Variants in ADGRV1 observed in about 807,000 individuals in gnomAD.
ADGRV1 encodes the protein G-protein coupled receptor 98.
ADGRV1 carries 359 observed loss-of-function variants against 596.2 expected under a neutral mutation model. The observed-to-expected ratio is 0.60, with a 90% confidence interval of 0.55 to 0.66. ADGRV1 has a LOEUF of 0.66. Among genes scored for constraint, ADGRV1 ranks in the 30% least tolerant of loss-of-function variants. ADGRV1 has a pLI of 0.00. For missense variants in ADGRV1, 7,274 were observed against 7,575.6 expected, an observed-to-expected ratio of 0.96 and a Z score of 1.48; for synonymous variants, 2,681 against 2,679.2, an observed-to-expected ratio of 1.00 and a Z score of -0.02.
At position 90,724,819 on chromosome 5, in the gene ADGRV1, T is replaced by G. The variant is rs1751548983; in HGVS notation, c.9749-13T>G. The G allele has an allele frequency of 1.9e-6, 3 of 1,611,586 alleles. No homozygotes were observed. The South Asian group carries it at 3.3e-5, about 18-fold the overall frequency. On this transcript the variant is annotated splice_polypyrimidine_tract_variant and intron_variant, in intron 45 of 89. Transcript: ENST00000405460. ...GAGTAATAAACTAGTAAACCATGAT[T>G]TGTGTTTTTCAGGGGGAATGGATGT... is the stretch of plus-strand genomic sequence containing the variant.
intron 85 of ADGRV1, among the ~76,000 whole-genome samples, chr5:91,054,926 C>T (rs889554048): frequency 1.1e-4 from 17 of 152,118 alleles, no homozygotes; most frequent in Admixed American, 5.9e-4. Context: ...AGAACACATC[C>T]CTGAGTAGGT....
At chr5:90,918,044 T>C (rs1309709819) in intron 83 of ADGRV1, among the ~76,000 whole-genome samples, 1 of 152,148 alleles carries the variant, frequency 6.6e-6, no homozygotes, top group Admixed American at 6.5e-5. Flanking sequence ...AATTCAAGGT[T>C]ACACAACTAG....
intron 87 of ADGRV1, among the ~76,000 whole-genome samples, chr5:91,147,193 A>T (rs1327407461): frequency 6.6e-6 from 1 of 151,844 alleles, no homozygotes; most frequent in African/African-American, 2.4e-5. Flanking sequence ...AAAAAAAAAA[A>T]AAAAAAGATT....
At chr5:90,682,393 A>G (rs1745060368) in intron 27 of ADGRV1, among the ~76,000 whole-genome samples, 1 of 152,212 alleles carries the variant, frequency 6.6e-6, no homozygotes, top group Non-Finnish European at 1.5e-5. Flanking sequence ...GTGAAGTGCA[A>G]TCCTATCCTG....
intron 39 of ADGRV1, among the ~76,000 whole-genome samples, chr5:90,709,607 G>A (rs996104213): frequency 6.6e-6 from 1 of 152,186 alleles, no homozygotes; most frequent in Non-Finnish European, 1.5e-5. Context: ...AGCATGGCCA[G>A]GAGCAGTGGC....
At position 90,778,504 on chromosome 5, in the gene ADGRV1, G is replaced by T; in HGVS notation, c.12744G>T (p.Leu4248=). ...CTGCAGTCAGTGAGGGAGGAGTTCTGAGTGAATCCAGCAGCACTGCCAACA... is the reference window on the plus strand; with the variant it reads ...CTGCAGTCAGTGAGGGAGGAGTTCTTAGTGAATCCAGCAGCACTGCCAACA... The part of the protein sequence containing the change: ...QLTAVSEGGV[L]SESSSTANIT... Residue 4248 remains leucine, a synonymous_variant, in exon 63 of 90, where the codon CTG becomes CTT. Coordinates refer to ENST00000405460, the MANE Select transcript of ADGRV1 (RefSeq NM_032119.4). 6.2e-7 allele frequency: 1 copy of T among 1,613,184 alleles called. No individual in the cohort carries two copies. The highest frequency in any genetic ancestry group is 8.5e-7 in the Non-Finnish European group (1 of 1,179,510).
At chr5:90,725,685 T>TG in intron 48 of ADGRV1, 29 bp downstream of exon 48, 1 of 1,097,998 alleles carries the variant, frequency 9.1e-7, no homozygotes, top group Middle Eastern at 2.6e-4. Flanking sequence ...GAAGTGGGTT[T>TG]TTTTTTGCTT....
At chr5:90,805,842 C>T (rs1761850792) in intron 72 of ADGRV1, among the ~76,000 whole-genome samples, 1 of 152,162 alleles carries the variant, frequency 6.6e-6, no homozygotes, top group South Asian at 2.1e-4. Context: ...GCAGCTGTTA[C>T]TTTAGATACT....
chr5:90,876,095 T>C (rs1173734221), intron 83 of ADGRV1, among the ~76,000 whole-genome samples: 1 of 152,170 alleles, frequency 6.6e-6, no homozygotes, highest in African/African-American at 2.4e-5. Context: ...CTACTCTTAG[T>C]TTCTGAGTTT....
At chr5:90,803,996 G>A (rs1404705738) in intron 71 of ADGRV1, among the ~76,000 whole-genome samples, 2 of 152,174 alleles carry the variant, frequency 1.3e-5, no homozygotes, top group East Asian at 3.9e-4. Flanking sequence ...TGTTTGGTGT[G>A]TGTGTGCACG....
Position 90,691,036 on chromosome 5 carries a change from G to A in ADGRV1, c.6946G>A (p.Glu2316Lys). ...EVLADDVPEI[E>K]EVIQVQLTDA... is the part of the protein sequence containing the mutation. ...CCTGGCTGACGACGTTCCGGAGATTGAAGAGGTGAGAGGACTGGCTAGTAT... is the reference window on the plus strand; with the variant it reads ...CCTGGCTGACGACGTTCCGGAGATTAAAGAGGTGAGAGGACTGGCTAGTAT... Residue 2316 changes from glutamate to lysine, a missense_variant, in exon 31 of 90, where the codon GAA becomes AAA. Coordinates refer to ENST00000405460, the MANE Select transcript of ADGRV1 (RefSeq NM_032119.4). 6.2e-7 allele frequency: 1 copy of A among 1,613,596 alleles called. No individual in the cohort carries two copies. The highest frequency in any genetic ancestry group is 8.5e-7 in the Non-Finnish European group (1 of 1,179,614).
intron 87 of ADGRV1, among the ~76,000 whole-genome samples, chr5:91,119,086 T>C (rs1793088684): frequency 1.3e-5 from 2 of 152,314 alleles, no homozygotes; most frequent in South Asian, 4.1e-4. Context: ...GCCTTTAGCA[T>C]ACAAGGACTC....
intron 45 of ADGRV1, 51 bp downstream of exon 45, chr5:90,721,110 A>T (rs1750863496): frequency 6.7e-7 from 1 of 1,495,270 alleles, no homozygotes; most frequent in East Asian, 2.3e-5. Flanking sequence ...AAAATATTGC[A>T]TGTATAAGAT....
chr5:90,863,635 G>A (rs1018970820), intron 82 of ADGRV1, 122 bp from the exon 83 acceptor site: 1 of 730,284 alleles, frequency 1.4e-6, no homozygotes. Context: ...CTTTTCCAGA[G>A]GTACTGGGCA....
In ADGRV1 at chr5:90,965,498, G is replaced by C; in HGVS notation, c.17940G>C (p.Leu5980=). The stretch of plus-strand genomic sequence containing the variant: ...CTATGGCTGCTGTCACACATTACCT[G>C]TATCTTTGCCAGTTTAGCTGGATGC... ...CSAMAAVTHY[L]YLCQFSWMLI... The change falls in exon 84 of 90, where the codon CTG becomes CTC. Residue 5980 remains leucine, a synonymous_variant. Transcript: ENST00000405460. 1 of 1,612,916 alleles carries C rather than the reference G, an allele frequency of 6.2e-7. No individual in the cohort carries two copies. The highest frequency in any genetic ancestry group is 8.5e-7 in the Non-Finnish European group (1 of 1,179,138).
chr5:90,710,667 A>G (rs1233234657), intron 39 of ADGRV1, among the ~76,000 whole-genome samples: 1 of 152,064 alleles, frequency 6.6e-6, no homozygotes, highest in East Asian at 1.9e-4. Flanking sequence ...GTGATATTAT[A>G]GAATAGAGAT....
chr5:90,820,762 G>C (rs1763410323), intron 75 of ADGRV1, among the ~76,000 whole-genome samples: 1 of 151,662 alleles, frequency 6.6e-6, no homozygotes, highest in Admixed American at 6.6e-5. Flanking sequence ...CTTCTGGCTT[G>C]TAGGGTTTCT....
intron 86 of ADGRV1, among the ~76,000 whole-genome samples, chr5:91,099,722 A>G (rs1791200958): frequency 6.6e-6 from 1 of 152,174 alleles, no homozygotes; most frequent in Non-Finnish European, 1.5e-5. Flanking sequence ...TGAGAAGTAG[A>G]TCTCTTACCA....
Position 90,642,857 on chromosome 5 carries a change from A to C in ADGRV1, c.2369A>C (p.Glu790Ala). 3 of 1,599,094 alleles carry C rather than the reference A, an allele frequency of 1.9e-6. No individual in the cohort carries two copies. Among genetic ancestry groups the C allele is most frequent in the Non-Finnish European group, 2.6e-6 (3 of 1,174,020 alleles). ...PASRGPYVIK[E>A]GESVELHIIR... Reference sequence around the variant, plus strand: ...ACTTTTGTGGATTTGTTTTTAAAGGAAGGAGAATCTGTAGAGCTCCACATC... The same window carrying C: ...ACTTTTGTGGATTTGTTTTTAAAGGCAGGAGAATCTGTAGAGCTCCACATC... Residue 790 changes from glutamate to alanine, a missense_variant and splice_region_variant, in exon 13 of 90, where the codon GAA becomes GCA. Coordinates refer to ENST00000405460, the MANE Select transcript of ADGRV1 (RefSeq NM_032119.4).
Sources: allele counts gnomAD v4.1 joint callset (sites outside exome capture counted in the v4.1 genomes callset), GRCh38; gene constraint gnomAD v4.1.1; transcripts MANE v1.5; gene names NCBI Gene and HGNC (gene_info 2026-07-23, HGNC 2026-07-21).